The following NBEA variants were observed in gnomAD, a reference collection of about 807,000 sequenced individuals.
NBEA encodes lysosomal-trafficking regulator 2.
Under a neutral mutation model 343.4 loss-of-function variants are expected in NBEA, and 44 were observed. That is an observed-to-expected ratio of 0.13 (90% CI 0.10 to 0.16). The LOEUF (loss-of-function observed/expected upper bound fraction) is 0.16, where lower values mean the gene tolerates loss of function less well. NBEA is among the 10% of genes least tolerant of loss of function. The pLI is 1.00. For missense variants in NBEA, 2,555 were observed against 3,631.3 expected (o/e 0.70, Z 7.62); for synonymous variants, 1,175 against 1,238.7 (o/e 0.95, Z 1.08).
intron 11 of NBEA, among the ~76,000 whole-genome samples, chr13:35,100,713 A>G (rs1385897441): frequency 6.6e-6 from 1 of 152,008 alleles, no homozygotes; most frequent in Non-Finnish European, 1.5e-5. Flanking sequence ...TATAATGTCA[A>G]TTTAGTGGAT....
At chr13:35,263,334 A>G (rs1184618960) in intron 34 of NBEA, among the ~76,000 whole-genome samples, 1 of 152,214 alleles carries the variant, frequency 6.6e-6, no homozygotes, top group Admixed American at 6.5e-5. Flanking sequence ...CAATAATTGT[A>G]GCAGACTTTA....
At chr13:35,347,051 A>G (rs2039919805) in intron 36 of NBEA, among the ~76,000 whole-genome samples, 2 of 152,124 alleles carry the variant, frequency 1.3e-5, no homozygotes, top group African/African-American at 2.4e-5. Context: ...TAAATCCAGT[A>G]TAGTCACACT....
At chr13:35,204,236 T>C (rs1041899523) in intron 31 of NBEA, among the ~76,000 whole-genome samples, 1 of 152,172 alleles carries the variant, frequency 6.6e-6, no homozygotes, top group African/African-American at 2.4e-5. Context: ...CTCCTTATGA[T>C]AATCTAATGC....
chr13:35,323,514 A>G (rs985193041), intron 36 of NBEA, among the ~76,000 whole-genome samples: 18 of 143,354 alleles, frequency 1.3e-4, no homozygotes, highest in Non-Finnish European at 2.3e-4. Context: ...GAATTGAACA[A>G]TGAGAACACA....
In NBEA at chr13:35,142,314, T is replaced by A; in HGVS notation, c.2382T>A (p.Leu794=). The A allele has an allele frequency of 6.2e-7, 1 of 1,613,340 alleles. No individual in the cohort carries two copies. The highest frequency in any genetic ancestry group is 8.5e-7 in the Non-Finnish European group (1 of 1,179,528). The change falls in exon 18 of 59, where the codon CTT becomes CTA. Residue 794 remains leucine (L), a synonymous_variant. Transcript: ENST00000379939. ...ACACCCATAGTCTTTTCACTCTTCT[T>A]GGAGAAAGGCTGATGTTGCATACAA... ...IMHTHSLFTL[L]GERLMLHTNT... is the part of the protein sequence containing the mutation.
intron 34 of NBEA, among the ~76,000 whole-genome samples, chr13:35,284,300 T>G (rs1224935393): frequency 6.6e-6 from 1 of 152,198 alleles, no homozygotes; most frequent in Non-Finnish European, 1.5e-5. Context: ...TAACTCAGTT[T>G]TTAGTGAACT....
At chr13:35,645,241 AACCAAATTGC>A (rs1467721877) in intron 49 of NBEA, among the ~76,000 whole-genome samples, 1 of 152,224 alleles carries the variant, frequency 6.6e-6, no homozygotes, top group Non-Finnish European at 1.5e-5. Flanking sequence ...TTTTACGTGC[AACCAAATTGC>A]ACACAATTTA....
chr13:35,129,771 G>A (rs1247039244), intron 17 of NBEA, among the ~76,000 whole-genome samples: 1 of 152,058 alleles, frequency 6.6e-6, no homozygotes, highest in East Asian at 1.9e-4. Context: ...GAAGTAAAAT[G>A]AATTCTAATC....
At position 35,621,697 on chromosome 13, in the gene NBEA, C is replaced by T. The variant is rs146910270; in HGVS notation, c.7450-6384C>T. On this transcript the variant is annotated intron_variant, in intron 48 of 58. Transcript: ENST00000379939. ...AATGAATGAGCTTCTTCCCCAGCCC[C>T]GCCCTCATTACTGACATTTCCTTTA... is the stretch of plus-strand genomic sequence containing the variant. Among the ~76,000 whole-genome samples the T allele has an allele frequency of 3.0e-3, 461 of 151,862 alleles. 3 individuals carry two copies. The highest frequency in any genetic ancestry group is 0.011 in the African/African-American group (438 of 41,392).
intron 1 of NBEA, among the ~76,000 whole-genome samples, chr13:34,954,803 G>A (rs1367040073): frequency 6.6e-6 from 1 of 152,080 alleles, no homozygotes; most frequent in African/African-American, 2.4e-5. Flanking sequence ...CTGTTGCAGT[G>A]TTGAGGGAAG....
At chr13:34,954,515 T>G (rs2059435655) in intron 1 of NBEA, among the ~76,000 whole-genome samples, 2 of 152,216 alleles carry the variant, frequency 1.3e-5, no homozygotes, top group African/African-American at 4.8e-5. Flanking sequence ...ATTCTGATTC[T>G]TTTAATTTCT....
At chr13:35,525,289 C>T (rs11839670) in intron 41 of NBEA, among the ~76,000 whole-genome samples, 6,381 of 152,228 alleles carry the variant, frequency 0.042, 154 homozygotes, top group South Asian at 0.11. Context: ...CGGTGGCTCA[C>T]GCCTGTAATC....
intron 39 of NBEA, among the ~76,000 whole-genome samples, chr13:35,445,788 A>ATATATATATATATATATATATATATATG (rs2152940481): frequency 4.9e-5 from 3 of 61,702 alleles, no homozygotes; most frequent in Admixed American, 1.3e-4. Context: ...ATGTTTATAT[A>ATATATATATATATATATATATATATATG]TATATATATA....
At chr13:35,336,553 A>G (rs558133255) in intron 36 of NBEA, among the ~76,000 whole-genome samples, 2 of 151,818 alleles carry the variant, frequency 1.3e-5, no homozygotes, top group East Asian at 3.9e-4. Flanking sequence ...AAATTGTTCT[A>G]CCATTAAGAC....
chr13:35,444,897 A>G (rs1363998754), intron 39 of NBEA, among the ~76,000 whole-genome samples: 1 of 152,160 alleles, frequency 6.6e-6, no homozygotes, highest in Non-Finnish European at 1.5e-5. Flanking sequence ...CCTACATTAC[A>G]TTTAAAATGT....
intron 36 of NBEA, among the ~76,000 whole-genome samples, chr13:35,325,795 A>G (rs756371560): frequency 7.9e-5 from 12 of 151,936 alleles, no homozygotes; most frequent in Admixed American, 7.2e-4. Flanking sequence ...GATTAGATAT[A>G]ATTTAAATTT....
intron 40 of NBEA, among the ~76,000 whole-genome samples, chr13:35,460,826 A>G (rs983544730): frequency 6.6e-6 from 1 of 152,230 alleles, no homozygotes; most frequent in Non-Finnish European, 1.5e-5. Flanking sequence ...AACTTATAAG[A>G]AAAGAAACTT....
At chr13:35,461,948 G>A (rs1470494335) in intron 40 of NBEA, among the ~76,000 whole-genome samples, 1 of 152,192 alleles carries the variant, frequency 6.6e-6, no homozygotes, top group East Asian at 1.9e-4. Context: ...TAGTCCAGTA[G>A]AATATGTTCT....
intron 43 of NBEA, 42 bp from the exon 44 acceptor site, chr13:35,554,945 A>C: frequency 2.0e-6 from 2 of 1,017,198 alleles, no homozygotes; most frequent in Non-Finnish European, 2.9e-6. Flanking sequence ...TAAAGTTATG[A>C]ATTAAAGAGA....
Sources: gnomAD v4.1 joint callset for allele counts (sites outside exome capture counted in the v4.1 genomes callset) on GRCh38, gnomAD v4.1.1 for gene constraint, MANE v1.5 for transcripts, NCBI Gene and HGNC (gene_info 2026-07-23, HGNC 2026-07-21) for gene names.